KCNMB2: variants seen among roughly 807,000 people sequenced by gnomAD.
The protein encoded by KCNMB2 is potassium calcium-activated channel subfamily M regulatory beta subunit 2.
In KCNMB2, 9 loss-of-function variants were observed where a neutral mutation model predicts 24.5. The ratio of observed to expected loss-of-function variants is 0.37; its 90% confidence interval spans 0.22 to 0.64. The LOEUF is 0.64. KCNMB2 is among the 30% of genes least tolerant of loss of function. The pLI is 0.63. For synonymous variants in KCNMB2, 109 were observed against 104.4 expected, an observed-to-expected ratio of 1.04 and a Z score of -0.27; for missense variants, 226 against 284.3, an observed-to-expected ratio of 0.79 and a Z score of 1.47.
intron 1 of KCNMB2, among the ~76,000 whole-genome samples, chr3:178,539,116 A>T (rs1025185200): frequency 1.3e-5 from 2 of 152,160 alleles, no homozygotes; most frequent in Non-Finnish European, 2.9e-5. Context: ...TGTCTCTCTT[A>T]TATACACAGA....
intron 1 of KCNMB2, among the ~76,000 whole-genome samples, chr3:178,767,275 T>G (rs573604658): frequency 6.6e-6 from 1 of 152,300 alleles, no homozygotes; most frequent in Non-Finnish European, 1.5e-5. Flanking sequence ...AATGCAATGT[T>G]GAGTGAAACT....
chr3:178,757,321 C>T (rs148732809), intron 1 of KCNMB2, among the ~76,000 whole-genome samples: 842 of 80,912 alleles, frequency 0.01, 51 homozygotes, highest in African/African-American at 0.037. Context: ...TCCAAGAGGA[C>T]ATATATATAT....
At position 178,763,188 on chromosome 3, in the gene KCNMB2, A is replaced by G. The variant is rs537530019; in HGVS notation, c.-67-44155A>G. Among the ~76,000 whole-genome samples the G allele has an allele frequency of 3.3e-5, 5 of 152,316 alleles. No homozygotes were observed. The South Asian group carries it at 1.0e-3, about 32-fold the overall frequency. ...TATGAATTAATTGTTTCAAAGAGAG[A>G]AATCAAACTCATTAGGGAACTGTAG... is the stretch of plus-strand genomic sequence containing the variant. On this transcript the variant is annotated intron_variant, in intron 1 of 4. Coordinates refer to ENST00000452583, the MANE Select transcript of KCNMB2 (RefSeq NM_181361.3).
At chr3:178,804,214 C>T (rs1335829740) in intron 1 of KCNMB2, among the ~76,000 whole-genome samples, 1 of 152,116 alleles carries the variant, frequency 6.6e-6, no homozygotes, top group African/African-American at 2.4e-5. Flanking sequence ...AGTTTCTTGT[C>T]CTATAAAATG....
chr3:178,582,164 T>C lies in KCNMB2; in HGVS notation c.-68+45453T>C, dbSNP rs575280418. Among the ~76,000 whole-genome samples, 93 of 152,298 alleles carry C rather than the reference T, an allele frequency of 6.1e-4. 1 individual carries two copies. The highest frequency in any genetic ancestry group is 3.4e-3 in the Middle Eastern group (1 of 294). The stretch of plus-strand genomic sequence containing the variant: ...AAGAAAATGTGGCACATATACACCA[T>C]TGAATACTATGCAACCATAAAAAAA... On this transcript the variant is annotated intron_variant, in intron 1 of 4. Coordinates refer to ENST00000452583, the MANE Select transcript of KCNMB2 (RefSeq NM_181361.3).
chr3:178,756,132 A>T (rs761406930), intron 1 of KCNMB2, among the ~76,000 whole-genome samples: 3 of 152,192 alleles, frequency 2.0e-5, no homozygotes, highest in Admixed American at 2.0e-4. Context: ...GAAAAAAAGC[A>T]AATTATAAAA....
chr3:178,704,475 T>A (rs1278997829), intron 1 of KCNMB2, among the ~76,000 whole-genome samples: 1 of 152,158 alleles, frequency 6.6e-6, no homozygotes, highest in East Asian at 1.9e-4. Flanking sequence ...CATATTCCTG[T>A]CTCACTAGCC....
At chr3:178,842,522 G>A in intron 4 of KCNMB2, 131 bp from the exon 5 acceptor site, 1 of 631,802 alleles carries the variant, frequency 1.6e-6, no homozygotes, top group East Asian at 2.6e-5. Context: ...AAAGGCACCA[G>A]TTTGAATATG....
intron 1 of KCNMB2, among the ~76,000 whole-genome samples, chr3:178,679,052 G>GATT (rs1560162640): frequency 2.2e-3 from 175 of 81,210 alleles, no homozygotes; most frequent in African/African-American, 9.4e-3. Flanking sequence ...TTTTTGTTTT[G>GATT]TTTTTGTTTT....
intron 1 of KCNMB2, among the ~76,000 whole-genome samples, chr3:178,731,270 C>G (rs1012613996): frequency 4.6e-5 from 7 of 152,136 alleles, no homozygotes; most frequent in Non-Finnish European, 1.0e-4. Flanking sequence ...TATGATTAAA[C>G]TTTGAGAAGT....
intron 1 of KCNMB2, among the ~76,000 whole-genome samples, chr3:178,566,621 A>G (rs1194450370): frequency 6.6e-6 from 1 of 152,124 alleles, no homozygotes; most frequent in African/African-American, 2.4e-5. Flanking sequence ...TTTGAACCCA[A>G]TGTCAGAGAG....
chr3:178,699,355 T>G (rs1722000856), intron 1 of KCNMB2, among the ~76,000 whole-genome samples: 2 of 152,212 alleles, frequency 1.3e-5, no homozygotes, highest in Non-Finnish European at 2.9e-5. Context: ...GACTGCACTC[T>G]TGCATCCTGA....
chr3:178,701,389 C>G (rs9799237), intron 1 of KCNMB2, among the ~76,000 whole-genome samples: 50,040 of 151,940 alleles, frequency 0.33, 8,998 homozygotes, highest in African/African-American at 0.48. Context: ...GTCAGGTAGC[C>G]TGATGCCTCC....
At chr3:178,542,527 G>A (rs988755091) in intron 1 of KCNMB2, among the ~76,000 whole-genome samples, 33 of 152,102 alleles carry the variant, frequency 2.2e-4, no homozygotes, top group Non-Finnish European at 2.9e-4. Context: ...AGGTCAAAGA[G>A]CTACTATGCT....
intron 1 of KCNMB2, among the ~76,000 whole-genome samples, chr3:178,651,642 G>T (rs1208433184): frequency 2.0e-5 from 3 of 152,126 alleles, no homozygotes; most frequent in African/African-American, 7.2e-5. Context: ...AACAAAGCTG[G>T]AGGCATCAAG....
rs1718847128 is a variant in KCNMB2, at chr3:178,619,888, C to T, written c.-68+83177C>T. ...CATATAAGAGCTTCCTCATTCTTACCCCTATACACTCCATCTTTCATCTGA... is the reference window on the plus strand; with the variant it reads ...CATATAAGAGCTTCCTCATTCTTACTCCTATACACTCCATCTTTCATCTGA... On this transcript the variant is annotated intron_variant, in intron 1 of 4. Transcript: ENST00000452583. Among the ~76,000 whole-genome samples, 3 of 152,164 alleles carry T rather than the reference C, an allele frequency of 2.0e-5. No homozygotes were observed. In the South Asian group the frequency reaches 6.2e-4, roughly 32 times the overall value.
intron 1 of KCNMB2, chr3:178,757,032 T>C (rs1035566394): frequency 6.6e-6 from 1 of 151,694 alleles, no homozygotes; most frequent in Admixed American, 6.6e-5. Flanking sequence ...GAAATATATA[T>C]ATATGTATAT....
intron 1 of KCNMB2, among the ~76,000 whole-genome samples, chr3:178,637,038 T>TC (rs1719552058): frequency 6.1e-5 from 1 of 16,456 alleles, no homozygotes; most frequent in Non-Finnish European, 1.1e-4. Flanking sequence ...GCTCTCATTC[T>TC]TTTTTTTGTG....
At chr3:178,635,757 G>C (rs1719498285) in intron 1 of KCNMB2, among the ~76,000 whole-genome samples, 1 of 152,106 alleles carries the variant, frequency 6.6e-6, no homozygotes, top group Non-Finnish European at 1.5e-5. Flanking sequence ...TGTCTATATG[G>C]TGACATTTAA....
Sources: allele counts gnomAD v4.1 joint callset (sites outside exome capture counted in the v4.1 genomes callset), GRCh38; gene constraint gnomAD v4.1.1; transcripts MANE v1.5; gene names NCBI Gene and HGNC (gene_info 2026-07-23, HGNC 2026-07-21).